The following HFM1 variants were observed in gnomAD, a reference collection of about 807,000 sequenced individuals.
The protein encoded by HFM1 is helicase for meiosis 1.
HFM1 carries 169 observed loss-of-function variants against 192.1 expected under a neutral mutation model. The observed-to-expected ratio is 0.88, with a 90% CI of 0.78 to 1.00. HFM1 has a LOEUF of 1.00. Among genes scored for constraint, HFM1 ranks in the 50% least tolerant of loss-of-function variants. The pLI is 0.00. For missense variants in HFM1, 1,661 were observed against 1,668.0 expected (o/e 1.00, Z 0.07); for synonymous variants, 525 against 537.8 (o/e 0.98, Z 0.33).
intron 9 of HFM1, among the ~76,000 whole-genome samples, chr1:91,378,790 T>C (rs1002036690): frequency 3.3e-5 from 5 of 151,980 alleles, no homozygotes; most frequent in Non-Finnish European, 7.4e-5. Flanking sequence ...ACTACTTAGG[T>C]AAAAGAAAAA....
intron 13 of HFM1, among the ~76,000 whole-genome samples, chr1:91,366,627 T>C (rs528468199): frequency 9.2e-5 from 14 of 152,252 alleles, no homozygotes; most frequent in African/African-American, 3.4e-4. Flanking sequence ...CTTAGAAAAT[T>C]AATAAGAGGT....
At chr1:91,271,900 A>C (rs528710841) in intron 34 of HFM1, among the ~76,000 whole-genome samples, 5 of 152,280 alleles carry the variant, frequency 3.3e-5, no homozygotes, top group African/African-American at 4.8e-5. Flanking sequence ...ATTTTTGGGC[A>C]AGTCATTTAA....
At chr1:91,367,078 C>G (rs769366763) in intron 13 of HFM1, among the ~76,000 whole-genome samples, 2 of 152,102 alleles carry the variant, frequency 1.3e-5, no homozygotes, top group East Asian at 1.9e-4. Flanking sequence ...CCGCCATTGC[C>G]GAGGCTTGAG....
At chr1:91,320,586 T>C (rs1266224530) in intron 23 of HFM1, among the ~76,000 whole-genome samples, 1 of 152,156 alleles carries the variant, frequency 6.6e-6, no homozygotes, top group East Asian at 1.9e-4. Context: ...TAAAAAGCAA[T>C]ACTTCTAATA....
intron 5 of HFM1, among the ~76,000 whole-genome samples, 161 bp from the exon 6 acceptor site, chr1:91,385,395 C>T (rs1401442593): frequency 1.3e-5 from 2 of 152,038 alleles, no homozygotes; most frequent in Non-Finnish European, 2.9e-5. Flanking sequence ...TTTTAGCACA[C>T]AGGATAAAAT....
chr1:91,342,570 T>C (rs920373872), intron 20 of HFM1, among the ~76,000 whole-genome samples: 3 of 152,214 alleles, frequency 2.0e-5, no homozygotes, highest in Admixed American at 1.3e-4. Context: ...TCAATCTTCA[T>C]CACACCTGGC....
chr1:91,289,680 C>T (rs1455298160), intron 30 of HFM1, among the ~76,000 whole-genome samples: 1 of 152,090 alleles, frequency 6.6e-6, no homozygotes, highest in Admixed American at 6.5e-5. Flanking sequence ...GCCAACACAG[C>T]GAAACCCCGT....
intron 30 of HFM1, among the ~76,000 whole-genome samples, chr1:91,303,781 A>C (rs911164403): frequency 6.6e-6 from 1 of 152,178 alleles, no homozygotes; most frequent in Non-Finnish European, 1.5e-5. Flanking sequence ...GCATCTTTTC[A>C]TATGTGTGTT....
At chr1:91,364,639 T>A (rs1659026940) in intron 13 of HFM1, among the ~76,000 whole-genome samples, 1 of 132,660 alleles carries the variant, frequency 7.5e-6, no homozygotes, top group Admixed American at 7.6e-5. Context: ...TATATTTTTT[T>A]TTTTTTTTTG....
Position 91,378,417 on chromosome 1 carries a change from A to G in HFM1, c.1222T>C (p.Phe408Leu), listed in dbSNP as rs1661170331. Residue 408 changes from phenylalanine (F) to leucine (L), a missense_variant, in exon 10 of 39, where the codon TTT (phenylalanine) becomes CTT (leucine). Phe to Leu is a conservative substitution (Grantham distance 22). Coordinates refer to ENST00000370425, the MANE Select transcript of HFM1 (RefSeq NM_001017975.6). ...DNSLVQLVRL[F>L]LIDEVHIVKD... ...GCATTCATTACCTCATCAATGAGAAACAGTCGAACCAGCTGAACCAAAGAG... is the reference window on the plus strand; with the variant it reads ...GCATTCATTACCTCATCAATGAGAAGCAGTCGAACCAGCTGAACCAAAGAG... The G allele has an allele frequency of 1.9e-6, 3 of 1,601,966 alleles. No individual in the cohort carries two copies. The East Asian group carries it at 6.7e-5, about 36-fold the overall frequency.
intron 34 of HFM1, among the ~76,000 whole-genome samples, chr1:91,271,319 G>A (rs905732398): frequency 6.6e-5 from 10 of 152,082 alleles, no homozygotes; most frequent in African/African-American, 2.4e-4. Context: ...GTAGCAACAG[G>A]CATAGCTAAA....
chr1:91,385,585 A>C lies in HFM1; in HGVS notation c.744T>G (p.His248Gln), dbSNP rs1220949310. The C allele has an allele frequency of 2.5e-6, 4 of 1,611,116 alleles. No homozygotes were observed. The African/African-American group carries it at 5.4e-5, about 22-fold the overall frequency. The change falls in exon 5 of 39, where the codon CAT (histidine) becomes CAG (glutamine). Residue 248 changes from histidine to glutamine, a missense_variant. His to Gln is a conservative substitution (Grantham distance 24). Transcript: ENST00000370425. ...APSFSVAFQP[H>Q]DIQEVTENGL... is the part of the protein sequence containing the mutation. ...AAAGCAAGAAATTACCTTGAATATC[A>C]TGAGGTTGGAAAGCAACTGAAAAAG... is the stretch of plus-strand genomic sequence containing the variant.
chr1:91,272,956 T>C (rs1419529508), intron 34 of HFM1, among the ~76,000 whole-genome samples: 1 of 151,994 alleles, frequency 6.6e-6, no homozygotes, highest in Non-Finnish European at 1.5e-5. Context: ...TTACCATTTC[T>C]ACATACAGCC....
chr1:91,353,432 A>C (rs1657235078), intron 13 of HFM1, 133 bp from the exon 14 acceptor site: 2 of 523,890 alleles, frequency 3.8e-6, no homozygotes, highest in African/African-American at 4.0e-5. Flanking sequence ...TATTTTAAGA[A>C]GTAGAAAATA....
chr1:91,383,397 T>C (rs189609331), intron 6 of HFM1, among the ~76,000 whole-genome samples: 11 of 152,298 alleles, frequency 7.2e-5, no homozygotes, highest in East Asian at 3.9e-4. Context: ...TGTGGCAGCA[T>C]TGAGACACTA....
rs372931586 is a variant in HFM1, at chr1:91,326,264, G to A, written c.2336-1498C>T. On this transcript the variant is annotated intron_variant, in intron 20 of 38. Transcript: ENST00000370425. ...GATATCAACATTCAAGTAAAAGAAG[G>A]TTATAGAATACCAAGCAGATTTAAC... Among the ~76,000 whole-genome samples the A allele has an allele frequency of 9.9e-5, 15 of 152,146 alleles. No individual in the cohort carries two copies. In the East Asian group the frequency reaches 1.2e-3, roughly 12 times the overall value.
intron 34 of HFM1, 66 bp downstream of exon 34, chr1:91,273,646 C>A: frequency 1.3e-6 from 1 of 794,460 alleles, no homozygotes; most frequent in South Asian, 1.6e-5. Context: ...TTCAATAACA[C>A]TACTCGTCAA....
At chr1:91,306,945 C>A (rs182433154) in intron 30 of HFM1, among the ~76,000 whole-genome samples, 1 of 152,084 alleles carries the variant, frequency 6.6e-6, no homozygotes, top group East Asian at 1.9e-4. Context: ...TCATTTTAAC[C>A]CAAACTATGT....
chr1:91,343,586 G>A (rs1480010284), intron 19 of HFM1, 76 bp from the exon 20 acceptor site: 3 of 601,364 alleles, frequency 5.0e-6, no homozygotes, highest in South Asian at 2.6e-5. Context: ...TATTAAATAT[G>A]CTAAAGTTGT....
Sources: gnomAD v4.1 joint callset for allele counts (sites outside exome capture counted in the v4.1 genomes callset) on GRCh38, gnomAD v4.1.1 for gene constraint, MANE v1.5 for transcripts, NCBI Gene and HGNC (gene_info 2026-07-23, HGNC 2026-07-21) for gene names.